Variants in ARHGEF7 observed in about 807,000 individuals in gnomAD.
ARHGEF7 encodes the protein Rho guanine nucleotide exchange factor 7, also known as PAK-interacting exchange factor beta.
A neutral mutation model predicts 109.8 loss-of-function variants in ARHGEF7; 33 were observed. The observed-to-expected ratio is 0.30, with a 90% CI of 0.23 to 0.40. The LOEUF is 0.40. Ranked by LOEUF, ARHGEF7 falls within the 10% of genes least tolerant of loss-of-function variation. The pLI is 1.00. For synonymous variants in ARHGEF7, 458 were observed against 424.6 expected (o/e 1.08, Z -0.97); for missense variants, 938 against 1,098.5 (o/e 0.85, Z 2.07).
At chr13:111,203,051 G>A (rs2081372503) in intron 2 of ARHGEF7, 1 of 1,270,654 alleles carries the variant, frequency 7.9e-7, no homozygotes, top group South Asian at 1.3e-5. Flanking sequence ...TGGAATAACA[G>A]GAAACTTCAC....
At chr13:111,232,447 G>A (rs922428312) in intron 5 of ARHGEF7, among the ~76,000 whole-genome samples, 9 of 152,096 alleles carry the variant, frequency 5.9e-5, no homozygotes, top group South Asian at 2.1e-4. Context: ...AGAACCATTG[G>A]TAGACAGGCC....
chr13:111,210,055 G>C lies in ARHGEF7; in HGVS notation c.468+53G>C, dbSNP rs2082310287. On this transcript the variant is annotated intron_variant, in intron 4 of 21. Coordinates refer to ENST00000646102, the MANE Select transcript of ARHGEF7 (RefSeq NM_001354046.2). Reference sequence around the variant, plus strand: ...ATATGTTTGGGAAGGATATGAGTGTGTATGGATATATCTGAGAAGATACGT... The same window carrying C: ...ATATGTTTGGGAAGGATATGAGTGTCTATGGATATATCTGAGAAGATACGT... 3.1e-6 allele frequency: 5 copies of C among 1,608,582 alleles called. No individual in the cohort carries two copies. In the Admixed American group the frequency reaches 6.7e-5, roughly 21 times the overall value.
chr13:111,138,206 G>A (rs909723590), intron 1 of ARHGEF7, among the ~76,000 whole-genome samples: 1 of 152,096 alleles, frequency 6.6e-6, no homozygotes, highest in Non-Finnish European at 1.5e-5. Flanking sequence ...CCAGCTACTC[G>A]GGGGGCTAAG....
At chr13:111,270,183 A>G (rs908341483) in intron 9 of ARHGEF7, among the ~76,000 whole-genome samples, 4 of 152,196 alleles carry the variant, frequency 2.6e-5, no homozygotes, top group Non-Finnish European at 5.9e-5. Flanking sequence ...TGAATGAACT[A>G]TGGGTGTCAT....
At chr13:111,243,824 A>C (rs977513104) in intron 6 of ARHGEF7, 48 bp from the exon 7 acceptor site, 2 of 1,261,052 alleles carry the variant, frequency 1.6e-6, no homozygotes, top group Non-Finnish European at 2.3e-6. Flanking sequence ...TCTTAGTGTC[A>C]AATAGCAATT....
intron 6 of ARHGEF7, among the ~76,000 whole-genome samples, chr13:111,236,523 A>G (rs1227395573): frequency 6.6e-6 from 1 of 152,128 alleles, no homozygotes; most frequent in Non-Finnish European, 1.5e-5. Flanking sequence ...ACTCACCTAG[A>G]GCACTTCTGT....
chr13:111,185,439 C>A (rs1295954367), intron 2 of ARHGEF7, among the ~76,000 whole-genome samples: 1 of 152,216 alleles, frequency 6.6e-6, no homozygotes, highest in Non-Finnish European at 1.5e-5. Context: ...CTTTTTCTTT[C>A]TCTCATTTCG....
rs963450276 is a variant in ARHGEF7 at position 111,277,704 on chromosome 13, G to T, written c.1506+31G>T. 3 of 1,422,800 alleles carry T rather than the reference G, an allele frequency of 2.1e-6. No individual in the cohort carries two copies. In the African/African-American group the frequency reaches 4.2e-5, roughly 20 times the overall value. The allele number at this position is 1,422,800 out of a possible 1,614,324, so 88.1% of individuals were successfully genotyped here. The stretch of plus-strand genomic sequence containing the variant: ...ACACAATTTAAATTTATATTTTATT[G>T]TGGATCTGAGGATAATTTCAAACTG... On this transcript the variant is annotated intron_variant, in intron 13 of 21. Coordinates refer to ENST00000646102, the MANE Select transcript of ARHGEF7 (RefSeq NM_001354046.2).
chr13:111,150,742 T>C (rs1486022615), intron 1 of ARHGEF7, among the ~76,000 whole-genome samples: 1 of 152,208 alleles, frequency 6.6e-6, no homozygotes, highest in African/African-American at 2.4e-5. Flanking sequence ...TTCCCTCGTG[T>C]AGTGTGCCTT....
intron 2 of ARHGEF7, among the ~76,000 whole-genome samples, chr13:111,173,937 T>C (rs899289784): frequency 6.6e-6 from 1 of 152,156 alleles, no homozygotes. Context: ...ACTTGTGTAG[T>C]GATTACTATG....
intron 1 of ARHGEF7, 60 bp from the exon 2 acceptor site, chr13:111,153,845 C>T (rs1414049333): frequency 1.9e-6 from 3 of 1,568,100 alleles, no homozygotes; most frequent in African/African-American, 1.4e-5. Flanking sequence ...GTCGCTCGGC[C>T]TTGTCCGCGG....
At chr13:111,198,004 G>T (rs1188993009) in intron 2 of ARHGEF7, among the ~76,000 whole-genome samples, 2 of 152,060 alleles carry the variant, frequency 1.3e-5, no homozygotes, top group Admixed American at 6.6e-5. Context: ...ATGGCCACAG[G>T]GTCAACCAGC....
At chr13:111,174,827 C>T (rs1222471451) in intron 2 of ARHGEF7, among the ~76,000 whole-genome samples, 2 of 151,528 alleles carry the variant, frequency 1.3e-5, no homozygotes, top group African/African-American at 4.9e-5. Flanking sequence ...TCCTAGGAAG[C>T]AGTTTGCTGA....
intron 8 of ARHGEF7, among the ~76,000 whole-genome samples, chr13:111,244,524 A>G (rs2088422902): frequency 1.3e-5 from 2 of 152,226 alleles, no homozygotes; most frequent in South Asian, 2.1e-4. Flanking sequence ...AAGGTGTTCC[A>G]TGGAGGAAGA....
rs987101304 is a variant in ARHGEF7 at position 111,273,374 on chromosome 13, C to G, written c.1074-440C>G. On this transcript the variant is annotated intron_variant, in intron 9 of 21. Coordinates refer to ENST00000646102, the MANE Select transcript of ARHGEF7 (RefSeq NM_001354046.2). This position sits in a 1 kb window ranked among gnomAD's most constrained non-coding sequence, Gnocchi z 4.5. ...GTGGGGCCTGCTCGCTGGACGAACT[C>G]GCATCTGGGGATGACTACCATCAGT... 2.0e-5 allele frequency among the ~76,000 whole-genome samples: 3 copies of G among 152,248 alleles called. No homozygotes were observed. Among genetic ancestry groups the G allele is most frequent in the African/African-American group, 7.2e-5 (3 of 41,464 alleles).
At chr13:111,286,851 G>C (rs1323814632) in intron 17 of ARHGEF7, among the ~76,000 whole-genome samples, 1 of 152,200 alleles carries the variant, frequency 6.6e-6, no homozygotes, top group African/African-American at 2.4e-5. Context: ...TGCTGGGAAG[G>C]GGTGCACGTG....
At chr13:111,267,440 G>A (rs2153584566) in intron 8 of ARHGEF7, 108 bp from the exon 9 acceptor site, 1 of 1,414,060 alleles carries the variant, frequency 7.1e-7, no homozygotes, top group African/African-American at 1.4e-5. Flanking sequence ...TTTCACAGAT[G>A]GGTGCAGAGG....
chr13:111,209,961 A>T lies in ARHGEF7; in HGVS notation c.427A>T (p.Thr143Ser), dbSNP rs2082300283. ...CTCCCTTGGATCACAGTCTTTGCAC[A>T]CTCGGACTTCAAAACTGTTCCAGGG... ...FDSLGSQSLH[T>S]RTSKLFQGQY... is the part of the protein sequence containing the mutation. Residue 143 changes from threonine (T) to serine (S), a missense_variant, in exon 4 of 22, where the codon ACT (threonine) becomes TCT (serine). Physicochemically the swap from Thr to Ser is moderately conservative, Grantham distance 58. Around this residue, in one of 4 missense-constraint regions of ARHGEF7, gnomAD observed 585 missense variants for 723.6 expected, o/e 0.81. Coordinates refer to ENST00000646102, the MANE Select transcript of ARHGEF7 (RefSeq NM_001354046.2). The T allele has an allele frequency of 6.2e-7, 1 of 1,613,994 alleles. No individual in the cohort carries two copies. Among genetic ancestry groups the T allele is most frequent in the Non-Finnish European group, 8.5e-7 (1 of 1,180,032 alleles).
chr13:111,152,218 A>C (rs898569525), intron 1 of ARHGEF7, among the ~76,000 whole-genome samples: 1 of 152,184 alleles, frequency 6.6e-6, no homozygotes, highest in African/African-American at 2.4e-5. Flanking sequence ...TTTTAGATGG[A>C]GAAATGGGTA....
Sources: gnomAD v4.1 joint callset for allele counts (sites outside exome capture counted in the v4.1 genomes callset) on GRCh38, gnomAD v4.1.1 for gene constraint, gnomAD v4.1.1 regional missense constraint, Gnocchi (gnomAD v3.1) non-coding constraint, MANE v1.5 for transcripts, NCBI Gene and HGNC (gene_info 2026-07-23, HGNC 2026-07-21) for gene names.